Variants in DKK4 observed in about 807,000 individuals in gnomAD.
DKK4 encodes the protein dickkopf-related protein 4.
A neutral mutation model predicts 14.5 loss-of-function variants in DKK4; 15 were observed. The ratio of observed to expected loss-of-function variants is 1.03; its 90% CI spans 0.69 to 1.59. The LOEUF is 1.59. Among genes scored for constraint, DKK4 ranks in the 40% most tolerant of loss-of-function variants. The probability of loss-of-function intolerance (pLI) is 0.00; values close to 1 mark genes in which losing one functional copy is unlikely to be tolerated. For missense variants in DKK4, 272 were observed against 280.3 expected, an observed-to-expected ratio of 0.97 and a Z score of 0.21; for synonymous variants, 89 against 105.2, an observed-to-expected ratio of 0.85 and a Z score of 0.94.
chr8:42,389,261 T>A, the DKK4 span, among the ~76,000 whole-genome samples: 1 of 152,242 alleles, frequency 6.6e-6, no homozygotes, highest in Non-Finnish European at 1.5e-5. Flanking sequence ...TTATTTGATT[T>A]AATATCCACT....
the DKK4 span, among the ~76,000 whole-genome samples, chr8:42,389,918 G>C: frequency 6.7e-6 from 1 of 149,482 alleles, no homozygotes; most frequent in Non-Finnish European, 1.5e-5. Flanking sequence ...TTTAGACGGA[G>C]TCTTGCCCTG....
the DKK4 span, among the ~76,000 whole-genome samples, chr8:42,387,021 G>T: frequency 5.2e-3 from 787 of 152,280 alleles, 4 homozygotes; most frequent in Non-Finnish European, 7.5e-3. Flanking sequence ...TGCTCCCTTG[G>T]GGACAGCATC....
upstream of DKK4, among the ~76,000 whole-genome samples, chr8:42,379,379 A>ATAT (rs1491158667): frequency 1.4e-4 from 4 of 28,308 alleles, no homozygotes; most frequent in South Asian, 1.3e-3. Flanking sequence ...ATATATATAT[A>ATAT]GAGAGAGAGA....
chr8:42,377,079 A>G lies in DKK4; in HGVS notation c.-34T>C. 1 of 1,575,874 alleles carries G rather than the reference A, an allele frequency of 6.3e-7. No homozygotes were observed. On this transcript the variant is annotated 5_prime_UTR_variant, in exon 1 of 4. Transcript: ENST00000220812. Reference sequence around the variant, plus strand: ...CCCGGGGCTCCTGGAGGGTCCCAGCACTGTGCGTCACCAAAGCGAGGCTGC... The same window carrying G: ...CCCGGGGCTCCTGGAGGGTCCCAGCGCTGTGCGTCACCAAAGCGAGGCTGC...
the DKK4 span, among the ~76,000 whole-genome samples, chr8:42,382,379 A>G: frequency 6.6e-6 from 1 of 152,178 alleles, no homozygotes; most frequent in Non-Finnish European, 1.5e-5. Flanking sequence ...CCGCATCTCC[A>G]TGATTTGGGG....
At chr8:42,379,559 A>G (rs1010831517), upstream of DKK4, among the ~76,000 whole-genome samples, 3 of 151,774 alleles carry the variant, frequency 2.0e-5, no homozygotes, top group Non-Finnish European at 4.4e-5. Context: ...AAATAAAGGT[A>G]TAAATATAAG....
chr8:42,390,320 G>A, the DKK4 span, among the ~76,000 whole-genome samples: 2,685 of 148,612 alleles, frequency 0.018, 86 homozygotes, highest in African/African-American at 0.06. Context: ...GTCTAATTTA[G>A]GATCACACAT....
At chr8:42,390,163 G>A in the DKK4 span, among the ~76,000 whole-genome samples, 1 of 152,046 alleles carries the variant, frequency 6.6e-6, no homozygotes, top group South Asian at 2.1e-4. Context: ...CAAAGTGCTA[G>A]GATTACAGGC....
the DKK4 span, among the ~76,000 whole-genome samples, chr8:42,384,939 C>T: frequency 2.0e-5 from 3 of 152,204 alleles, no homozygotes; most frequent in Non-Finnish European, 2.9e-5. Context: ...CTCCTTCTTT[C>T]CCAAACTGTC....
upstream of DKK4, among the ~76,000 whole-genome samples, chr8:42,380,947 A>G (rs898862157): frequency 6.6e-6 from 1 of 152,098 alleles, no homozygotes; most frequent in African/African-American, 2.4e-5. Flanking sequence ...GAACGAACAA[A>G]CGAAAGAAAG....
At position 42,374,826 on chromosome 8, in the gene DKK4, C is replaced by T. The variant is rs112583209; in HGVS notation, c.350G>A (p.Gly117Glu). 4.0e-5 allele frequency: 65 copies of T among 1,614,130 alleles called. No homozygotes were observed. In the African/African-American group the frequency reaches 4.7e-4, roughly 12 times the overall value. ...QDGTHAEGTT[G>E]HPVQENQPKR... ...GGGTTGGTTTTCCTGGACTGGGTGC[C>T]CAGTTGTTCCTTCTGCATGTGTGCC... is the stretch of plus-strand genomic sequence containing the variant. The change falls in exon 3 of 4, where the codon GGG becomes GAG. Residue 117 changes from glycine (G) to glutamate (E), a missense_variant. Physicochemically the swap from Gly to Glu is moderately conservative, Grantham distance 98 (BLOSUM62 -2). Coordinates refer to ENST00000220812, the MANE Select transcript of DKK4 (RefSeq NM_014420.3).
chr8:42,377,077 GCACTGTGCGTCAC>G lies in DKK4; in HGVS notation c.-45_-33del. The G allele has an allele frequency of 6.3e-7, 1 of 1,584,942 alleles. No individual in the cohort carries two copies. Among genetic ancestry groups the G allele is most frequent in the South Asian group, 1.1e-5 (1 of 90,246 alleles). On this transcript the variant is annotated 5_prime_UTR_variant, in exon 1 of 4. Coordinates refer to ENST00000220812, the MANE Select transcript of DKK4 (RefSeq NM_014420.3). The stretch of plus-strand genomic sequence containing the variant: ...ATCCCGGGGCTCCTGGAGGGTCCCA[GCACTGTGCGTCAC>G]CAAAGCGAGGCTGCTCTCCACCCAG...
In DKK4 at chr8:42,375,862, GAA is replaced by G. The variant is rs762225766; in HGVS notation, c.112-34_112-33del. 6.0e-5 allele frequency: 97 copies of G among 1,610,688 alleles called. 2 individuals carry two copies. Among genetic ancestry groups the G allele is most frequent in the East Asian group, 4.5e-4 (20 of 44,826 alleles). On this transcript the variant is annotated intron_variant, in intron 1 of 3. Coordinates refer to ENST00000220812, the MANE Select transcript of DKK4 (RefSeq NM_014420.3). ...AGGGAATCTGTTATCACAAGGCTAG[GAA>G]ACCCCCAACACGATGGAAGATGACT... is the stretch of plus-strand genomic sequence containing the variant.
rs751215631 is a variant in DKK4 at position 42,375,688 on chromosome 8, C to T, written c.254G>A (p.Cys85Tyr). Residue 85 changes from cysteine to tyrosine, a missense_variant, in exon 2 of 4, where the codon TGT becomes TAT. Physicochemically the swap from Cys to Tyr is radical, Grantham distance 194. Coordinates refer to ENST00000220812, the MANE Select transcript of DKK4 (RefSeq NM_014420.3). ...GGCGTTATGTCGCTCACCGTTCACA[C>T]AGAGTGTCCCAGGGCAGCACATGGC... Reference protein sequence around the residue: ...RDAMCCPGTLCVNDVCTTMED... With the variant: ...RDAMCCPGTLYVNDVCTTMED... The T allele has an allele frequency of 6.2e-7, 1 of 1,613,442 alleles. No homozygotes were observed. Among genetic ancestry groups the T allele is most frequent in the Non-Finnish European group, 8.5e-7 (1 of 1,180,014 alleles).
At chr8:42,386,654 A>G in the DKK4 span, among the ~76,000 whole-genome samples, 2,693 of 152,070 alleles carry the variant, frequency 0.018, 57 homozygotes, top group African/African-American at 0.06. Flanking sequence ...AACCTCAGCT[A>G]ATTTTTTATT....
At chr8:42,379,370 TATATATATAGAGAGAGAGAG>T (rs1263313693), upstream of DKK4, among the ~76,000 whole-genome samples, 24 of 50,926 alleles carry the variant, frequency 4.7e-4, no homozygotes, top group African/African-American at 1.8e-3. Flanking sequence ...TATATATATA[TATATATATAGAGAGAGAGAG>T]AGAGAGAGAG....
At chr8:42,388,324 G>A in the DKK4 span, among the ~76,000 whole-genome samples, 1 of 152,060 alleles carries the variant, frequency 6.6e-6, no homozygotes, top group Non-Finnish European at 1.5e-5. Context: ...CTACCTCCCA[G>A]GTTCAAGCAA....
Position 42,374,353 on chromosome 8 carries a change from T to C in DKK4, c.422A>G (p.Glu141Gly), listed in dbSNP as rs1320258558. ...IKKSQGRKGQ[E>G]GESCLRTFDC... Reference sequence around the variant, plus strand: ...AAAAGTTCTCAGACAACTTTCTCCCTCTTGTCCTGTAACAAGGTTAATGTG... The same window carrying C: ...AAAAGTTCTCAGACAACTTTCTCCCCCTTGTCCTGTAACAAGGTTAATGTG... The change falls in exon 4 of 4, where the codon GAG becomes GGG. Residue 141 changes from glutamate (E) to glycine (G), a missense_variant. Coordinates refer to ENST00000220812, the MANE Select transcript of DKK4 (RefSeq NM_014420.3). The C allele has an allele frequency of 1.2e-6, 2 of 1,613,228 alleles. No individual in the cohort carries two copies. Among genetic ancestry groups the C allele is most frequent in the South Asian group, 2.2e-5 (2 of 90,796 alleles).
chr8:42,385,941 C>T, the DKK4 span, among the ~76,000 whole-genome samples: 93 of 152,310 alleles, frequency 6.1e-4, no homozygotes, highest in African/African-American at 1.8e-3. Flanking sequence ...TATGTACATG[C>T]AGCATTTATT....
Sources: gnomAD v4.1 joint callset for allele counts (sites outside exome capture counted in the v4.1 genomes callset) on GRCh38, gnomAD v4.1.1 for gene constraint, MANE v1.5 for transcripts, NCBI Gene and HGNC (gene_info 2026-07-23, HGNC 2026-07-21) for gene names.